The following HEMK2 variants were observed in gnomAD, a reference collection of about 807,000 sequenced individuals.
The protein encoded by HEMK2 is HemK methyltransferase 2, ETF1 glutamine and histone H4 lysine.
the HEMK2 span, among the ~76,000 whole-genome samples, chr21:28,780,501 C>T: frequency 2.8e-5 from 4 of 143,774 alleles, no homozygotes; most frequent in Non-Finnish European, 6.0e-5. Flanking sequence ...TTAATAGAGA[C>T]GGGGTTTCAC....
At chr21:28,793,125 T>C in the HEMK2 span, among the ~76,000 whole-genome samples, 10 of 152,318 alleles carry the variant, frequency 6.6e-5, no homozygotes, top group Admixed American at 5.2e-4. Flanking sequence ...TTTATTCACA[T>C]GGATTTTAGT....
chr21:28,816,627 A>C, the HEMK2 span, among the ~76,000 whole-genome samples: 2 of 152,190 alleles, frequency 1.3e-5, no homozygotes, highest in East Asian at 3.9e-4. Flanking sequence ...CCCGCACTGA[A>C]ATATAAGCAC....
chr21:28,760,185 T>G, the HEMK2 span, among the ~76,000 whole-genome samples: 80,848 of 152,050 alleles, frequency 0.53, 23,818 homozygotes, highest in African/African-American at 0.78. Flanking sequence ...GAAGGATGAT[T>G]GAAAAGGAAA....
chr21:28,685,903 C>A, the HEMK2 span, among the ~76,000 whole-genome samples: 1 of 152,308 alleles, frequency 6.6e-6, no homozygotes, highest in South Asian at 2.1e-4. Context: ...CTCCTTCCCT[C>A]CCACAGAGGC....
chr21:28,589,674 A>G, the HEMK2 span, among the ~76,000 whole-genome samples: 1 of 152,206 alleles, frequency 6.6e-6, no homozygotes, highest in Admixed American at 6.5e-5. Flanking sequence ...CATGTGGTAT[A>G]CTAGATTTGA....
the HEMK2 span, among the ~76,000 whole-genome samples, chr21:28,814,887 C>G: frequency 6.6e-6 from 1 of 152,094 alleles, no homozygotes; most frequent in Non-Finnish European, 1.5e-5. Flanking sequence ...TGGGTATATA[C>G]CCAAAAGATT....
chr21:28,683,457 G>A, the HEMK2 span, among the ~76,000 whole-genome samples: 1 of 152,150 alleles, frequency 6.6e-6, no homozygotes, highest in Non-Finnish European at 1.5e-5. Flanking sequence ...AAACCATGAT[G>A]GGTCACTGCC....
At chr21:28,838,365 T>C in the HEMK2 span, among the ~76,000 whole-genome samples, 1 of 151,530 alleles carries the variant, frequency 6.6e-6, no homozygotes, top group Non-Finnish European at 1.5e-5. Flanking sequence ...AAACCCCGTC[T>C]CTACTAAAAA....
At chr21:28,631,336 T>C in the HEMK2 span, among the ~76,000 whole-genome samples, 2 of 152,244 alleles carry the variant, frequency 1.3e-5, no homozygotes, top group Non-Finnish European at 2.9e-5. Flanking sequence ...ATTCTTAAAA[T>C]ATCTAAACCT....
At chr21:28,845,266 C>T in the HEMK2 span, among the ~76,000 whole-genome samples, 2 of 152,188 alleles carry the variant, frequency 1.3e-5, no homozygotes, top group East Asian at 1.9e-4. Flanking sequence ...ATATTAAACT[C>T]ATCTATACTG....
the HEMK2 span, among the ~76,000 whole-genome samples, chr21:28,784,884 CTT>C: frequency 2.0e-5 from 3 of 152,216 alleles, no homozygotes; most frequent in Non-Finnish European, 2.9e-5. Flanking sequence ...TTCTTTCACT[CTT>C]TGCAATAAAT....
At chr21:28,749,960 G>A in the HEMK2 span, among the ~76,000 whole-genome samples, 4 of 152,126 alleles carry the variant, frequency 2.6e-5, no homozygotes, top group Admixed American at 6.5e-5. Context: ...AAAATAATCC[G>A]TTATTAAGTC....
At chr21:28,627,160 C>T in the HEMK2 span, among the ~76,000 whole-genome samples, 5 of 151,994 alleles carry the variant, frequency 3.3e-5, no homozygotes, top group Non-Finnish European at 7.4e-5. Context: ...AGTATGATTC[C>T]GTATATATGA....
the HEMK2 span, among the ~76,000 whole-genome samples, chr21:28,866,343 G>A: frequency 6.7e-6 from 1 of 149,842 alleles, no homozygotes; most frequent in African/African-American, 2.5e-5. Flanking sequence ...TAGCTACTCG[G>A]GAGGCTGAGT....
At chr21:28,829,470 C>A in the HEMK2 span, among the ~76,000 whole-genome samples, 2,432 of 152,172 alleles carry the variant, frequency 0.016, 31 homozygotes, top group Middle Eastern at 0.024. Context: ...CTCTTTTTGC[C>A]CTCTGACATC....
the HEMK2 span, among the ~76,000 whole-genome samples, chr21:28,636,032 G>T: frequency 2.0e-5 from 3 of 152,174 alleles, no homozygotes; most frequent in African/African-American, 7.2e-5. Flanking sequence ...TTCCACTGAA[G>T]AAACTAGTAG....
chr21:28,611,338 A>G, the HEMK2 span, among the ~76,000 whole-genome samples: 8 of 152,320 alleles, frequency 5.3e-5, no homozygotes, highest in African/African-American at 1.7e-4. Context: ...AATTTAAAAT[A>G]TTCTTTGAAC....
the HEMK2 span, among the ~76,000 whole-genome samples, chr21:28,747,880 A>T: frequency 6.6e-6 from 1 of 152,250 alleles, no homozygotes; most frequent in South Asian, 2.1e-4. Flanking sequence ...AAGAAATTAA[A>T]AGGAACATAA....
chr21:28,770,901 G>C, the HEMK2 span, among the ~76,000 whole-genome samples: 56 of 152,214 alleles, frequency 3.7e-4, no homozygotes, highest in Non-Finnish European at 6.9e-4. Flanking sequence ...CTCCTGAGTA[G>C]CATCATGCTA....
Sources: gnomAD v4.1 joint callset for allele counts (sites outside exome capture counted in the v4.1 genomes callset) on GRCh38, gnomAD v4.1.1 for gene constraint, MANE v1.5 for transcripts, NCBI Gene and HGNC (gene_info 2026-07-23, HGNC 2026-07-21) for gene names.